MBNL2: variants seen among roughly 807,000 people sequenced by gnomAD.
The protein encoded by MBNL2 is muscleblind like splicing regulator 2, also known as muscleblind-like protein 2.
Under a neutral mutation model 41.9 loss-of-function variants are expected in MBNL2, and 17 were observed. That is an observed-to-expected ratio of 0.41 (90% CI 0.28 to 0.61). The LOEUF (loss-of-function observed/expected upper bound fraction) is 0.61. Ranked by LOEUF, MBNL2 falls within the 20% of genes least tolerant of loss-of-function variation. The probability of loss-of-function intolerance (pLI) is 0.35; values close to 1 mark genes in which losing one functional copy is unlikely to be tolerated. For missense variants in MBNL2, 336 were observed against 505.6 expected, an observed-to-expected ratio of 0.66 and a Z score of 3.22; for synonymous variants, 195 against 182.9, an observed-to-expected ratio of 1.07 and a Z score of -0.53.
At chr13:97,259,960 G>C (rs757259820) in intron 1 of MBNL2, among the ~76,000 whole-genome samples, 2 of 152,188 alleles carry the variant, frequency 1.3e-5, no homozygotes, top group East Asian at 3.8e-4. Flanking sequence ...AAAGTTAAAT[G>C]TTGCCCTAGA....
At chr13:97,272,032 A>G (rs2051137811) in intron 1 of MBNL2, among the ~76,000 whole-genome samples, 1 of 152,184 alleles carries the variant, frequency 6.6e-6, no homozygotes, top group African/African-American at 2.4e-5. Context: ...ACTAATTTAC[A>G]TTCCCACCAA....
chr13:97,212,764 C>T, the MBNL2 span, among the ~76,000 whole-genome samples: 6 of 152,200 alleles, frequency 3.9e-5, no homozygotes, highest in Non-Finnish European at 8.8e-5. Context: ...ATAGATGTCT[C>T]TCTTTGTCGT....
chr13:97,333,474 C>G (rs1367319519), intron 2 of MBNL2, among the ~76,000 whole-genome samples: 1 of 152,204 alleles, frequency 6.6e-6, no homozygotes, highest in Non-Finnish European at 1.5e-5. Context: ...ATTTGATACT[C>G]CTGTCATGGG....
At chr13:97,178,133 AT>A in the MBNL2 span, among the ~76,000 whole-genome samples, 2 of 152,250 alleles carry the variant, frequency 1.3e-5, no homozygotes, top group Non-Finnish European at 2.9e-5. Context: ...AATCCACAGG[AT>A]TCTGGCAAAG....
chr13:97,326,104 AGGTGATGCAGTGGAAT>A (rs1371797843), intron 2 of MBNL2, among the ~76,000 whole-genome samples: 2 of 117,928 alleles, frequency 1.7e-5, no homozygotes, highest in African/African-American at 5.9e-5. Context: ...CCCATAGTCC[AGGTGATGCAGTGGAAT>A]GATGCTCTAC....
chr13:97,161,928 T>C, the MBNL2 span, among the ~76,000 whole-genome samples: 3 of 152,212 alleles, frequency 2.0e-5, no homozygotes, highest in Non-Finnish European at 4.4e-5. Flanking sequence ...AGTCCATTCT[T>C]GCATTGTTAT....
At chr13:97,321,448 C>T (rs773513467) in intron 2 of MBNL2, among the ~76,000 whole-genome samples, 8 of 152,128 alleles carry the variant, frequency 5.3e-5, no homozygotes, top group Non-Finnish European at 1.0e-4. Flanking sequence ...TCACCTCCAT[C>T]GAGTGCATTA....
At chr13:97,363,119 C>G (rs759450104) in intron 7 of MBNL2, 1 of 152,060 alleles carries the variant, frequency 6.6e-6, no homozygotes, top group African/African-American at 2.4e-5. Context: ...TAGAAAGTTT[C>G]TGTGAGAAAG....
rs559436257 is a variant in MBNL2, at chr13:97,268,395, C to G, written c.-604-7237C>G. 3.3e-5 allele frequency among the ~76,000 whole-genome samples: 5 copies of G among 152,262 alleles called. No individual in the cohort carries two copies. The highest frequency in any genetic ancestry group is 2.1e-4 in the South Asian group (1 of 4,826). On this transcript the variant is annotated intron_variant, in intron 1 of 8. Coordinates refer to ENST00000679496, the MANE Select transcript of MBNL2 (RefSeq NM_001382683.1). The surrounding 1 kb of genome is among the most constrained non-coding windows in gnomAD (Gnocchi z 4.6). ...GGATTACAGGTGTGAGCCACTGCGC[C>G]GGGCCGAGAGTGTGCATTCCTAACA...
chr13:97,389,414 A>C (rs2153172294), intron 8 of MBNL2, among the ~76,000 whole-genome samples: 1 of 152,332 alleles, frequency 6.6e-6, no homozygotes, highest in South Asian at 2.1e-4. Flanking sequence ...ATATCAATTT[A>C]AGAAACTGGC....
In MBNL2 at chr13:97,383,035, A is replaced by G. The variant is rs544634424; in HGVS notation, c.1049-8287A>G. 2.0e-5 allele frequency among the ~76,000 whole-genome samples: 3 copies of G among 152,346 alleles called. No individual in the cohort carries two copies. In the South Asian group the frequency reaches 6.2e-4, roughly 32 times the overall value. ...ACGCCAGCGGAAAGGGCCAGGAAAG[A>G]AAAGTCTCCTTCTCATGCCTCTTTA... is the stretch of plus-strand genomic sequence containing the variant. On this transcript the variant is annotated intron_variant, in intron 8 of 8. Coordinates refer to ENST00000679496, the MANE Select transcript of MBNL2 (RefSeq NM_001382683.1).
At chr13:97,263,564 A>G (rs1177321560) in intron 1 of MBNL2, among the ~76,000 whole-genome samples, 1 of 152,142 alleles carries the variant, frequency 6.6e-6, no homozygotes, top group Admixed American at 6.5e-5. Flanking sequence ...GGAGTACAGG[A>G]TTTTGATGTC....
the MBNL2 span, among the ~76,000 whole-genome samples, chr13:97,213,145 C>A: frequency 1.3e-5 from 2 of 152,012 alleles, no homozygotes; most frequent in African/African-American, 4.8e-5. Flanking sequence ...GGACCTCAGT[C>A]AAGTAAGAAC....
At chr13:97,296,913 G>T (rs1594174235) in intron 2 of MBNL2, among the ~76,000 whole-genome samples, 2 of 152,288 alleles carry the variant, frequency 1.3e-5, no homozygotes, top group Admixed American at 1.3e-4. Context: ...TCAACTAGAT[G>T]AAGAGACAGA....
chr13:97,251,896 TGC>T, intron 1 of MBNL2, among the ~76,000 whole-genome samples: 4 of 131,524 alleles, frequency 3.0e-5, no homozygotes, highest in African/African-American at 1.1e-4. Flanking sequence ...CAGGCCGGAC[TGC>T]GGACTGCAGT....
chr13:97,320,549 C>T (rs2153039962), intron 2 of MBNL2, among the ~76,000 whole-genome samples: 1 of 152,048 alleles, frequency 6.6e-6, no homozygotes, highest in East Asian at 2.0e-4. Flanking sequence ...AGCCACTGCT[C>T]CCAGCCTGGA....
intron 3 of MBNL2, among the ~76,000 whole-genome samples, chr13:97,339,358 A>G (rs762827372): frequency 2.0e-5 from 3 of 151,622 alleles, no homozygotes; most frequent in Non-Finnish European, 4.4e-5. Flanking sequence ...GACTGCGGAG[A>G]GGAACACGGG....
chr13:97,165,635 G>A, the MBNL2 span, among the ~76,000 whole-genome samples: 2 of 152,138 alleles, frequency 1.3e-5, no homozygotes, highest in Non-Finnish European at 2.9e-5. Context: ...AAATGTAAAG[G>A]GTAGTGAATC....
intron 2 of MBNL2, among the ~76,000 whole-genome samples, chr13:97,309,174 GC>G (rs913448466): frequency 2.0e-5 from 3 of 152,164 alleles, no homozygotes; most frequent in African/African-American, 7.2e-5. Flanking sequence ...GAGCTTGCAC[GC>G]CCAAGTGAGG....
Sources: gnomAD v4.1 joint callset for allele counts (sites outside exome capture counted in the v4.1 genomes callset) on GRCh38, gnomAD v4.1.1 for gene constraint, Gnocchi (gnomAD v3.1) non-coding constraint, MANE v1.5 for transcripts, NCBI Gene and HGNC (gene_info 2026-07-23, HGNC 2026-07-21) for gene names.